Variants in SLC5A4 observed in about 807,000 individuals in gnomAD.
SLC5A4 encodes solute carrier family 5 member 4.
A neutral mutation model predicts 70.3 loss-of-function variants in SLC5A4; 55 were observed. The ratio of observed to expected loss-of-function variants is 0.78; its 90% CI spans 0.63 to 0.98. SLC5A4 has a LOEUF of 0.98. Ranked by LOEUF, SLC5A4 falls within the 50% of genes least tolerant of loss-of-function variation. SLC5A4 has a pLI of 0.00. For missense variants in SLC5A4, 735 were observed against 839.2 expected (o/e 0.88, Z 1.53); for synonymous variants, 268 against 305.7 (o/e 0.88, Z 1.29).
the SLC5A4 span, among the ~76,000 whole-genome samples, chr22:32,317,452 T>A: frequency 6.6e-6 from 1 of 152,006 alleles, no homozygotes; most frequent in East Asian, 1.9e-4. Context: ...ATGTTCTTTT[T>A]TTAATTTTTA....
chr22:32,312,938 G>A, the SLC5A4 span, among the ~76,000 whole-genome samples: 8 of 152,148 alleles, frequency 5.3e-5, no homozygotes, highest in Non-Finnish European at 1.2e-4. Flanking sequence ...GAACACATGG[G>A]TTTTGTCTTC....
chr22:32,278,962 A>G, the SLC5A4 span, among the ~76,000 whole-genome samples: 11 of 152,242 alleles, frequency 7.2e-5, no homozygotes, highest in Non-Finnish European at 2.9e-5. Flanking sequence ...AATAGAGAAA[A>G]TATCAACATA....
chr22:32,234,942 C>G lies in SLC5A4; in HGVS notation c.816G>C (p.Gly272=). 6.8e-6 allele frequency: 11 copies of G among 1,613,076 alleles called. No homozygotes were observed. The highest frequency in any genetic ancestry group is 9.3e-6 in the Non-Finnish European group (11 of 1,179,994). ...ATATAATTCCTGGCCATGGAATGTCCCCAGTCACAGCATCTCGGAAGATGT... is the reference window on the plus strand; with the variant it reads ...ATATAATTCCTGGCCATGGAATGTCGCCAGTCACAGCATCTCGGAAGATGT... ...SFHIFRDAVT[G]DIPWPGIIFG... is the part of the protein sequence containing the mutation. The change falls in exon 8 of 15, where the codon GGG becomes GGC. Residue 272 remains glycine, a synonymous_variant. Transcript: ENST00000266086.
At chr22:32,234,742 C>T in intron 8 of SLC5A4, 131 bp downstream of exon 8, 1 of 747,992 alleles carries the variant, frequency 1.3e-6, no homozygotes, top group Non-Finnish European at 2.3e-6. Flanking sequence ...GGGTTTGACT[C>T]TTTAAACGAT....
chr22:32,281,426 G>A, the SLC5A4 span, among the ~76,000 whole-genome samples: 1 of 152,190 alleles, frequency 6.6e-6, no homozygotes, highest in African/African-American at 2.4e-5. Context: ...ATCAAAGCCC[G>A]GGCTTCACCA....
upstream of SLC5A4, among the ~76,000 whole-genome samples, chr22:32,256,003 C>T (rs1222363506): frequency 6.6e-6 from 1 of 152,096 alleles, no homozygotes; most frequent in Non-Finnish European, 1.5e-5. Flanking sequence ...AAACAAGACT[C>T]CTGGACTACA....
chr22:32,330,917 TGGAGGCCTCTGGTGTGTATGTG>T, the SLC5A4 span, among the ~76,000 whole-genome samples: 1 of 55,896 alleles, frequency 1.8e-5, no homozygotes, highest in Non-Finnish European at 3.7e-5. Context: ...GTGTGTGTGT[TGGAGGCCTCTGGTGTGTATGTG>T]TTGGAGGCTC....
At chr22:32,274,487 C>G in the SLC5A4 span, among the ~76,000 whole-genome samples, 2 of 151,818 alleles carry the variant, frequency 1.3e-5, no homozygotes. Context: ...GTTCATGGCC[C>G]ACTTACACTC....
the SLC5A4 span, among the ~76,000 whole-genome samples, chr22:32,328,373 T>C: frequency 6.6e-6 from 1 of 152,080 alleles, no homozygotes; most frequent in Non-Finnish European, 1.5e-5. Context: ...ATGGATAGAA[T>C]AGAAGTGACA....
chr22:32,354,253 C>CT, the SLC5A4 span, among the ~76,000 whole-genome samples: 1 of 146,210 alleles, frequency 6.8e-6, no homozygotes, highest in African/African-American at 2.5e-5. Context: ...CCTGCTATCT[C>CT]TGTCTCAGTG....
chr22:32,275,578 T>C, the SLC5A4 span, among the ~76,000 whole-genome samples: 1 of 152,368 alleles, frequency 6.6e-6, no homozygotes, highest in African/African-American at 2.4e-5. Context: ...TGGTATTCCA[T>C]GGTGTATATG....
chr22:32,333,327 CG>C, the SLC5A4 span, among the ~76,000 whole-genome samples: 44 of 152,092 alleles, frequency 2.9e-4, no homozygotes, highest in African/African-American at 9.6e-4. Flanking sequence ...GAGAGGCCTC[CG>C]GAAGGAGCAT....
upstream of SLC5A4, chr22:32,255,447 AC>A (rs1206166583): frequency 9.4e-7 from 1 of 1,067,826 alleles, no homozygotes; most frequent in Non-Finnish European, 1.4e-6. Flanking sequence ...GGATATGGAG[AC>A]CTTTAAACCT....
the SLC5A4 span, among the ~76,000 whole-genome samples, chr22:32,353,716 G>A: frequency 4.0e-5 from 6 of 151,848 alleles, no homozygotes; most frequent in Non-Finnish European, 7.4e-5. Context: ...TTCGGACACT[G>A]CAGCACCCAA....
At chr22:32,323,945 C>CCT in the SLC5A4 span, among the ~76,000 whole-genome samples, 4,287 of 152,242 alleles carry the variant, frequency 0.028, 168 homozygotes, top group African/African-American at 0.097. Flanking sequence ...CAGCCTCACC[C>CCT]GACTTTGGCA....
At chr22:32,326,249 T>C in the SLC5A4 span, among the ~76,000 whole-genome samples, 1 of 149,400 alleles carries the variant, frequency 6.7e-6, no homozygotes. Context: ...ACGTGGGGTA[T>C]GGGGCTGGGA....
At chr22:32,331,210 G>A in the SLC5A4 span, among the ~76,000 whole-genome samples, 5 of 125,676 alleles carry the variant, frequency 4.0e-5, no homozygotes, top group Admixed American at 1.8e-4. Flanking sequence ...GTGTGTATTG[G>A]GGGCTGTGTG....
At chr22:32,273,956 C>T in the SLC5A4 span, among the ~76,000 whole-genome samples, 3 of 151,990 alleles carry the variant, frequency 2.0e-5, no homozygotes, top group East Asian at 1.9e-4. Flanking sequence ...AGATACTACA[C>T]GCATGAGAAA....
the SLC5A4 span, among the ~76,000 whole-genome samples, chr22:32,267,080 T>A: frequency 6.6e-5 from 10 of 152,232 alleles, no homozygotes; most frequent in Non-Finnish European, 1.0e-4. Flanking sequence ...ATGTTTTGTT[T>A]GAACAGTTTC....
Sources: allele counts gnomAD v4.1 joint callset (sites outside exome capture counted in the v4.1 genomes callset), GRCh38; gene constraint gnomAD v4.1.1; transcripts MANE v1.5; gene names NCBI Gene and HGNC (gene_info 2026-07-23, HGNC 2026-07-21).